Variants in NINJ2 observed in about 807,000 individuals in gnomAD.
NINJ2 encodes the protein ninjurin 2, also known as ninjurin-2.
NINJ2 carries 12 observed loss-of-function variants against 11.7 expected under a neutral mutation model. The observed-to-expected ratio is 1.02, with a 90% CI of 0.66 to 1.66. The LOEUF (loss-of-function observed/expected upper bound fraction) is 1.66. Among genes scored for constraint, NINJ2 ranks in the 40% most tolerant of loss-of-function variants. NINJ2 has a pLI of 0.00. For synonymous variants in NINJ2, 93 were observed against 76.8 expected (o/e 1.21, Z -1.10); for missense variants, 187 against 181.8 (o/e 1.03, Z -0.16).
At chr12:587,263 G>A (rs1947652284) in intron 1 of NINJ2, among the ~76,000 whole-genome samples, 1 of 152,164 alleles carries the variant, frequency 6.6e-6, no homozygotes, top group South Asian at 2.1e-4. Context: ...CTGCATCCAG[G>A]GTGAAGCTGC....
intron 1 of NINJ2, among the ~76,000 whole-genome samples, chr12:571,871 G>T (rs907836532): frequency 6.6e-6 from 1 of 152,230 alleles, no homozygotes; most frequent in Admixed American, 6.5e-5. Context: ...TGGAGGTTGG[G>T]TAAACCCCAG....
At chr12:575,604 C>T (rs1039414840) in intron 1 of NINJ2, among the ~76,000 whole-genome samples, 3 of 152,228 alleles carry the variant, frequency 2.0e-5, no homozygotes, top group South Asian at 2.1e-4. Context: ...CCTCCTGAGA[C>T]GGCTCCTTCT....
chr12:588,197 AGGGGACG>A (rs1349876514), intron 1 of NINJ2, among the ~76,000 whole-genome samples: 1 of 69,940 alleles, frequency 1.4e-5, no homozygotes, highest in African/African-American at 6.4e-5. Flanking sequence ...GAAGGGACGG[AGGGGACG>A]GAAGGGACGG....
At chr12:612,263 T>C (rs1234912535) in intron 1 of NINJ2, among the ~76,000 whole-genome samples, 1 of 152,224 alleles carries the variant, frequency 6.6e-6, no homozygotes, top group Non-Finnish European at 1.5e-5. Flanking sequence ...CTGTTATTAT[T>C]TGGCGTCTTG....
chr12:639,412 G>C (rs1232842724), intron 1 of NINJ2, among the ~76,000 whole-genome samples: 2 of 152,178 alleles, frequency 1.3e-5, no homozygotes, highest in Non-Finnish European at 2.9e-5. Flanking sequence ...GGAGGTGGCA[G>C]ACCCAGGATT....
intron 1 of NINJ2, among the ~76,000 whole-genome samples, chr12:579,495 A>C (rs1947515971): frequency 7.2e-6 from 1 of 138,506 alleles, no homozygotes; most frequent in Non-Finnish European, 1.5e-5. Flanking sequence ...AAAACAAAAC[A>C]AAAACAAAAC....
intron 1 of NINJ2, among the ~76,000 whole-genome samples, chr12:596,483 G>A (rs1947787995): frequency 6.6e-6 from 1 of 152,044 alleles, no homozygotes; most frequent in Non-Finnish European, 1.5e-5. Context: ...AGGCATATGG[G>A]GAGTTTCTGT....
intron 1 of NINJ2, among the ~76,000 whole-genome samples, chr12:659,167 A>C (rs937379179): frequency 6.6e-6 from 1 of 151,848 alleles, no homozygotes; most frequent in African/African-American, 2.4e-5. Context: ...TCTTCTATTC[A>C]TAAGTGTTTT....
At position 581,743 on chromosome 12, in the gene NINJ2, C is replaced by T. The variant is rs1314333565; in HGVS notation, c.34-15565G>A. ...CACGCAGCTTCGGTGCTTCCCAGCT[C>T]ACTCGTCTGTAGAAAGAGGAGACAC... On this transcript the variant is annotated intron_variant, in intron 1 of 3. Transcript: ENST00000305108. The surrounding 1 kb of genome is among the most constrained non-coding windows in gnomAD (Gnocchi z 4.9). Among the ~76,000 whole-genome samples, 1 of 152,148 alleles carries T rather than the reference C, an allele frequency of 6.6e-6. No homozygotes were observed. The highest frequency in any genetic ancestry group is 1.9e-4 in the East Asian group (1 of 5,186).
At chr12:615,726 T>C (rs1457629833) in intron 1 of NINJ2, among the ~76,000 whole-genome samples, 2 of 152,230 alleles carry the variant, frequency 1.3e-5, no homozygotes, top group Non-Finnish European at 2.9e-5. Context: ...ACTCCACTAG[T>C]ACAGCACGTA....
chr12:655,846 G>A (rs755345609), intron 1 of NINJ2, among the ~76,000 whole-genome samples: 1 of 152,028 alleles, frequency 6.6e-6, no homozygotes, highest in Non-Finnish European at 1.5e-5. Context: ...CTGGGAAGCG[G>A]AGTTTGCAGT....
At chr12:626,832 T>C (rs1023370862) in intron 1 of NINJ2, among the ~76,000 whole-genome samples, 1 of 152,134 alleles carries the variant, frequency 6.6e-6, no homozygotes, top group African/African-American at 2.4e-5. Context: ...GCGCCTATAA[T>C]CCCAGCACTT....
At chr12:572,341 C>G (rs1255653080) in intron 1 of NINJ2, among the ~76,000 whole-genome samples, 1 of 152,180 alleles carries the variant, frequency 6.6e-6, no homozygotes, top group African/African-American at 2.4e-5. Flanking sequence ...ACTAGCAGGC[C>G]CAGAGGAACA....
At position 628,826 on chromosome 12, in the gene NINJ2, C is replaced by T. The variant is rs979051637; in HGVS notation, c.33+34502G>A. ...TACATTAGCATGCTAAGAGACACTC[C>T]CACCAGCACCATGGCAGTTTACAAA... On this transcript the variant is annotated intron_variant, in intron 1 of 3. Coordinates refer to ENST00000305108, the MANE Select transcript of NINJ2 (RefSeq NM_016533.6). The surrounding 1 kb of genome is among the most constrained non-coding windows in gnomAD (Gnocchi z 4.4). Among the ~76,000 whole-genome samples, 4 of 152,172 alleles carry T rather than the reference C, an allele frequency of 2.6e-5. No individual in the cohort carries two copies. Among genetic ancestry groups the T allele is most frequent in the African/African-American group, 9.7e-5 (4 of 41,438 alleles).
intron 1 of NINJ2, among the ~76,000 whole-genome samples, chr12:629,101 A>T (rs1481957507): frequency 6.6e-6 from 1 of 152,126 alleles, no homozygotes; most frequent in Non-Finnish European, 1.5e-5. Flanking sequence ...TACTTCATGG[A>T]CTAGCCCAGA....
At chr12:622,233 C>A (rs554922792) in intron 1 of NINJ2, among the ~76,000 whole-genome samples, 2 of 150,298 alleles carry the variant, frequency 1.3e-5, no homozygotes, top group Non-Finnish European at 3.0e-5. Flanking sequence ...CACGGTGAAA[C>A]CCCGTCTCTA....
At chr12:612,315 G>T (rs1948042928) in intron 1 of NINJ2, among the ~76,000 whole-genome samples, 2 of 152,174 alleles carry the variant, frequency 1.3e-5, no homozygotes, top group Non-Finnish European at 1.5e-5. Context: ...TCTGTGGGGT[G>T]TCGGGGCAGT....
rs1947531413 is a variant in NINJ2 at position 580,475 on chromosome 12, C to T, written c.34-14297G>A. Reference sequence around the variant, plus strand: ...TGGTGGTGCACGCCTATAATTCCAGCTACTCGGGAGGCTGAGGCAGGAGAA... The same window carrying T: ...TGGTGGTGCACGCCTATAATTCCAGTTACTCGGGAGGCTGAGGCAGGAGAA... On this transcript the variant is annotated intron_variant, in intron 1 of 3. Coordinates refer to ENST00000305108, the MANE Select transcript of NINJ2 (RefSeq NM_016533.6). The surrounding 1 kb of genome is among the most constrained non-coding windows in gnomAD (Gnocchi z 4.7). Among the ~76,000 whole-genome samples the T allele has an allele frequency of 6.6e-6, 1 of 151,986 alleles. No individual in the cohort carries two copies. Among genetic ancestry groups the T allele is most frequent in the African/African-American group, 2.4e-5 (1 of 41,368 alleles).
At chr12:617,121 G>A (rs1014397872) in intron 1 of NINJ2, among the ~76,000 whole-genome samples, 8 of 152,124 alleles carry the variant, frequency 5.3e-5, no homozygotes, top group East Asian at 3.9e-4. Flanking sequence ...CAGGAGAATC[G>A]CTGGAACCTG....
Sources: allele counts gnomAD v4.1 joint callset (sites outside exome capture counted in the v4.1 genomes callset), GRCh38; gene constraint gnomAD v4.1.1; non-coding constraint Gnocchi (gnomAD v3.1); transcripts MANE v1.5; gene names NCBI Gene and HGNC (gene_info 2026-07-23, HGNC 2026-07-21).